Variants in CLIC5 observed in about 807,000 individuals in gnomAD.
The protein encoded by CLIC5 is CLIC family member 5, also known as chloride intracellular channel protein 5.
In CLIC5, 20 loss-of-function variants were observed where a neutral mutation model predicts 24.7. That is an observed-to-expected ratio of 0.81 (90% CI 0.57 to 1.18). CLIC5 has a LOEUF of 1.18. CLIC5 is among the 50% of genes most tolerant of loss of function. CLIC5 has a pLI of 0.00. For synonymous variants in CLIC5, 159 were observed against 135.6 expected (o/e 1.17, Z -1.20); for missense variants, 341 against 326.1 (o/e 1.05, Z -0.35).
At chr6:45,999,633 T>C (rs1286480112) in intron 1 of CLIC5, among the ~76,000 whole-genome samples, 2 of 151,986 alleles carry the variant, frequency 1.3e-5, no homozygotes, top group Non-Finnish European at 2.9e-5. Context: ...CCTCCTCCTC[T>C]TCCTCCTCAG....
At chr6:46,066,195 A>C (rs1206479058) in intron 1 of CLIC5, among the ~76,000 whole-genome samples, 1 of 152,112 alleles carries the variant, frequency 6.6e-6, no homozygotes, top group Non-Finnish European at 1.5e-5. Context: ...CAATCAACCT[A>C]TTCAAAGCGG....
intron 4 of CLIC5, among the ~76,000 whole-genome samples, chr6:45,918,685 C>A (rs1234287962): frequency 1.3e-5 from 2 of 152,258 alleles, no homozygotes; most frequent in Non-Finnish European, 2.9e-5. Flanking sequence ...GGTGTCTGTT[C>A]AACTCTCCAT....
chr6:46,003,431 A>C (rs1202088506), intron 1 of CLIC5, among the ~76,000 whole-genome samples: 1 of 152,164 alleles, frequency 6.6e-6, no homozygotes, highest in Non-Finnish European at 1.5e-5. Context: ...AAAAACAACA[A>C]CAACACCAAC....
Position 45,900,581 on chromosome 6 carries a change from A to C in CLIC5, c.*2507T>G, listed in dbSNP as rs1240416325. The C allele has an allele frequency of 6.6e-6, 1 of 151,398 alleles. No individual in the cohort carries two copies. The highest frequency in any genetic ancestry group is 1.9e-4 in the East Asian group (1 of 5,180). The allele number at this position is 151,398 out of a possible 1,614,324, so 9.4% of individuals were successfully genotyped here. A position where few individuals can be genotyped will look rare whatever the true frequency, so the allele number is the denominator to read the frequency against. Reference sequence around the variant, plus strand: ...AATATTATTGTTACTTTAATATACCATAATAAATCTAGTCATAAGACACCA... The same window carrying C: ...AATATTATTGTTACTTTAATATACCCTAATAAATCTAGTCATAAGACACCA... On this transcript the variant is annotated 3_prime_UTR_variant, in exon 6 of 6. Transcript: ENST00000339561.
At chr6:45,985,755 A>T (rs546626353) in intron 1 of CLIC5, among the ~76,000 whole-genome samples, 2 of 151,700 alleles carry the variant, frequency 1.3e-5, no homozygotes, top group East Asian at 3.9e-4. Context: ...CCTTCCAGTG[A>T]CTCTTTTTGG....
At chr6:46,125,276 G>A in the CLIC5 span, among the ~76,000 whole-genome samples, 34 of 152,124 alleles carry the variant, frequency 2.2e-4, no homozygotes, top group African/African-American at 8.0e-4. Context: ...GTCCTTTGTA[G>A]GGACATGGAT....
At chr6:46,086,947 C>T in the CLIC5 span, among the ~76,000 whole-genome samples, 3 of 152,190 alleles carry the variant, frequency 2.0e-5, no homozygotes, top group Non-Finnish European at 4.4e-5. Context: ...CATTCACAGC[C>T]AGTCATTGAG....
intron 1 of CLIC5, among the ~76,000 whole-genome samples, chr6:45,995,483 G>A (rs1051777548): frequency 6.6e-6 from 1 of 152,210 alleles, no homozygotes; most frequent in Non-Finnish European, 1.5e-5. Flanking sequence ...GGCCTCCCAA[G>A]GCTGGCCCAG....
At chr6:46,101,167 A>G in the CLIC5 span, among the ~76,000 whole-genome samples, 13 of 152,310 alleles carry the variant, frequency 8.5e-5, no homozygotes, top group African/African-American at 3.1e-4. Flanking sequence ...GATAGAAAAT[A>G]CTCAGGTTGT....
At chr6:45,903,869 G>C (rs1225597016) in intron 5 of CLIC5, among the ~76,000 whole-genome samples, 1 of 151,918 alleles carries the variant, frequency 6.6e-6, no homozygotes, top group African/African-American at 2.4e-5. Flanking sequence ...ACACAGGCCA[G>C]TTTTTCCCTT....
intron 1 of CLIC5, among the ~76,000 whole-genome samples, chr6:46,012,304 C>A (rs996649618): frequency 6.6e-6 from 1 of 152,180 alleles, no homozygotes; most frequent in Non-Finnish European, 1.5e-5. Context: ...GAGGCAGAGG[C>A]AAGACTTGAA....
intron 6 of CLIC5, among the ~76,000 whole-genome samples, chr6:45,885,945 C>G (rs1762301609): frequency 6.6e-6 from 1 of 152,188 alleles, no homozygotes; most frequent in Non-Finnish European, 1.5e-5. Context: ...GAAACTGATA[C>G]TGCACAGGAA....
At chr6:46,039,328 G>A (rs1581890339) in intron 1 of CLIC5, among the ~76,000 whole-genome samples, 1 of 151,986 alleles carries the variant, frequency 6.6e-6, no homozygotes, top group Non-Finnish European at 1.5e-5. Context: ...GCAGGAAAAA[G>A]ATGGGTGGAG....
chr6:45,970,114 G>T (rs1331676250), intron 1 of CLIC5, among the ~76,000 whole-genome samples: 1 of 152,096 alleles, frequency 6.6e-6, no homozygotes. Flanking sequence ...AAAGGTCACA[G>T]GTCTGGAGAA....
intron 1 of CLIC5, among the ~76,000 whole-genome samples, chr6:45,973,272 C>T (rs769188258): frequency 6.6e-6 from 1 of 152,166 alleles, no homozygotes; most frequent in African/African-American, 2.4e-5. Flanking sequence ...GGTTAGTAAA[C>T]TGGGCTCTCT....
At chr6:45,996,173 G>A (rs1766130959) in intron 1 of CLIC5, among the ~76,000 whole-genome samples, 1 of 150,054 alleles carries the variant, frequency 6.7e-6, no homozygotes, top group African/African-American at 2.4e-5. Context: ...GCTCTTTTTT[G>A]CAAACCACGG....
chr6:46,093,793 A>C, the CLIC5 span, among the ~76,000 whole-genome samples: 4 of 152,236 alleles, frequency 2.6e-5, no homozygotes, highest in African/African-American at 9.6e-5. Flanking sequence ...TTATCAAAGA[A>C]AGATGAAAAC....
At chr6:45,930,244 C>T (rs1763677375) in intron 4 of CLIC5, among the ~76,000 whole-genome samples, 1 of 152,150 alleles carries the variant, frequency 6.6e-6, no homozygotes, top group African/African-American at 2.4e-5. Context: ...AACAGCCCTC[C>T]CAGGCCGCTC....
chr6:45,949,291 G>A lies in CLIC5; in HGVS notation c.264C>T (p.Ile88=), dbSNP rs1452376505. ...TCAAGGTCTCCTCCAGGAACTCCTC[G>A]ATCTTATTGACGTCTGTCTTCACGT... ...NGDVKTDVNK[I]EEFLEETLTP... is the part of the protein sequence containing the mutation. Residue 88 remains isoleucine (I), a synonymous_variant, in exon 3 of 6, where the codon ATC becomes ATT. Coordinates refer to ENST00000339561, the MANE Select transcript of CLIC5 (RefSeq NM_016929.5). 1.1e-5 allele frequency: 17 copies of A among 1,613,716 alleles called. No individual in the cohort carries two copies. Among genetic ancestry groups the A allele is most frequent in the African/African-American group, 4.0e-5 (3 of 74,902 alleles).
Sources: allele counts gnomAD v4.1 joint callset (sites outside exome capture counted in the v4.1 genomes callset), GRCh38; gene constraint gnomAD v4.1.1; transcripts MANE v1.5; gene names NCBI Gene and HGNC (gene_info 2026-07-23, HGNC 2026-07-21).